NAV3: variants seen among roughly 807,000 people sequenced by gnomAD.
NAV3 encodes the protein neuron navigator 3.
In NAV3, 87 loss-of-function variants were observed where a neutral mutation model predicts 244.7. The observed-to-expected ratio is 0.36, with a 90% CI of 0.30 to 0.42. The LOEUF is 0.42. NAV3 is among the 20% of genes least tolerant of loss of function. The pLI is 1.00. For missense variants in NAV3, 2,663 were observed against 2,893.3 expected (o/e 0.92, Z 1.83); for synonymous variants, 1,126 against 1,042.2 (o/e 1.08, Z -1.55).
chr12:78,160,099 C>T (rs1957463339), intron 23 of NAV3, among the ~76,000 whole-genome samples: 1 of 151,948 alleles, frequency 6.6e-6, no homozygotes, highest in Non-Finnish European at 1.5e-5. Context: ...GAACTAGTTG[C>T]CATCTAGGGA....
intron 2 of NAV3, chr12:77,783,547 AT>A (rs1458120538): frequency 3.3e-5 from 5 of 152,310 alleles, no homozygotes; most frequent in African/African-American, 4.8e-5. Context: ...GGATTTGGCT[AT>A]GTAGAGAGTA....
At chr12:77,791,442 G>A (rs1482571824) in intron 2 of NAV3, among the ~76,000 whole-genome samples, 1 of 151,888 alleles carries the variant, frequency 6.6e-6, no homozygotes, top group Non-Finnish European at 1.5e-5. Context: ...GATAAAATAG[G>A]GCATTTTCCT....
intron 2 of NAV3, among the ~76,000 whole-genome samples, chr12:77,734,747 C>T (rs1032294729): frequency 2.0e-5 from 3 of 152,240 alleles, no homozygotes; most frequent in Non-Finnish European, 2.9e-5. Flanking sequence ...AACCCCAAGC[C>T]ATTGCTTCCA....
chr12:77,873,756 AT>A lies in NAV3; in HGVS notation c.243+42053del, dbSNP rs1565878780. Among the ~76,000 whole-genome samples the A allele has an allele frequency of 6.1e-5, 7 of 114,528 alleles. No individual in the cohort carries two copies. In the East Asian group the frequency reaches 7.9e-4, roughly 13 times the overall value. The allele number at this position is 114,528 out of a possible 152,430, so 75.1% of individuals were successfully genotyped here. On this transcript the variant is annotated intron_variant, in intron 1 of 39. Coordinates refer to ENST00000397909, the MANE Select transcript of NAV3 (RefSeq NM_001024383.2). Reference sequence around the variant, plus strand: ...CATATGTGTGTGTGTATATATATATATATATATATATGTATATAACAGCATA... The same window carrying A: ...CATATGTGTGTGTGTATATATATATAATATATATATGTATATAACAGCATA...
At chr12:77,743,802 A>G (rs1010895008) in intron 2 of NAV3, among the ~76,000 whole-genome samples, 3 of 151,810 alleles carry the variant, frequency 2.0e-5, no homozygotes, top group Non-Finnish European at 3.0e-5. Flanking sequence ...AAAAGTTAAA[A>G]TAATGACCAT....
chr12:77,617,606 C>T (rs1228074014), intron 2 of NAV3, among the ~76,000 whole-genome samples: 1 of 152,126 alleles, frequency 6.6e-6, no homozygotes, highest in Non-Finnish European at 1.5e-5. Flanking sequence ...TTCAGGGCGG[C>T]CAAGCAAGGA....
intron 1 of NAV3, among the ~76,000 whole-genome samples, chr12:77,898,449 T>A (rs1156523260): frequency 1.3e-5 from 2 of 152,050 alleles, no homozygotes; most frequent in African/African-American, 2.4e-5. Context: ...CAGAAAAAAA[T>A]AAACTTGATG....
chr12:78,099,939 A>G (rs1272936732), intron 12 of NAV3, among the ~76,000 whole-genome samples: 1 of 151,946 alleles, frequency 6.6e-6, no homozygotes, highest in Non-Finnish European at 1.5e-5. Flanking sequence ...ATAAAGAACA[A>G]GAGCTTTCCA....
intron 12 of NAV3, 112 bp downstream of exon 12, chr12:78,059,227 A>AT: frequency 1.1e-6 from 1 of 927,366 alleles, no homozygotes; most frequent in Non-Finnish European, 1.5e-6. Context: ...TTTTATTTTG[A>AT]TAAATAATTA....
chr12:78,106,418 A>C lies in NAV3; in HGVS notation c.2637-10354A>C, dbSNP rs968382028. Among the ~76,000 whole-genome samples the C allele has an allele frequency of 1.1e-4, 16 of 152,232 alleles. 2 individuals carry two copies. The highest frequency in any genetic ancestry group is 9.8e-4 in the Admixed American group (15 of 15,276). Reference sequence around the variant, plus strand: ...GACCATTGCTGAAATAAATGAAAGAAGACCAATATATGTGAAGAGATACTC... The same window carrying C: ...GACCATTGCTGAAATAAATGAAAGACGACCAATATATGTGAAGAGATACTC... On this transcript the variant is annotated intron_variant, in intron 12 of 39. Transcript: ENST00000397909.
intron 2 of NAV3, among the ~76,000 whole-genome samples, chr12:77,774,564 A>G (rs896474587): frequency 2.0e-5 from 3 of 152,150 alleles, no homozygotes; most frequent in African/African-American, 7.2e-5. Flanking sequence ...ATGATCTTAA[A>G]GGACTAGAGA....
chr12:77,864,180 T>TA (rs1879676193), intron 1 of NAV3, among the ~76,000 whole-genome samples: 1 of 151,826 alleles, frequency 6.6e-6, no homozygotes, highest in Non-Finnish European at 1.5e-5. Flanking sequence ...ACCCCTTATT[T>TA]ATATTTTCTT....
At chr12:77,870,844 T>C (rs1880842686) in intron 1 of NAV3, among the ~76,000 whole-genome samples, 4 of 152,230 alleles carry the variant, frequency 2.6e-5, no homozygotes. Flanking sequence ...GCAGTCATCA[T>C]CCACAACGTA....
chr12:77,757,390 C>G (rs1169165422), intron 2 of NAV3, among the ~76,000 whole-genome samples: 1 of 152,172 alleles, frequency 6.6e-6, no homozygotes, highest in Non-Finnish European at 1.5e-5. Flanking sequence ...ACCACACTAC[C>G]TTCATATTGC....
At chr12:78,008,442 C>G (rs139822864) in intron 8 of NAV3, among the ~76,000 whole-genome samples, 69 of 152,216 alleles carry the variant, frequency 4.5e-4, no homozygotes, top group African/African-American at 1.5e-3. Flanking sequence ...AGTTTATTCA[C>G]TGCTTGGTTG....
In NAV3 at chr12:78,006,878, C is replaced by T. The variant is rs2136575239; in HGVS notation, c.1340C>T (p.Ala447Val). 6.2e-7 allele frequency: 1 copy of T among 1,614,016 alleles called. No individual in the cohort carries two copies. Among genetic ancestry groups the T allele is most frequent in the East Asian group, 2.2e-5 (1 of 44,868 alleles). ...AGTCCCAAAGTGTCACCTAAGTTGG[C>T]CCCTCCAAAAGCTGGAAGCAAAAAT... The part of the protein sequence containing the change: ...NSSPKVSPKL[A>V]PPKAGSKNLS... The change falls in exon 8 of 40, where the codon GCC becomes GTC. Residue 447 changes from alanine to valine, a missense_variant. Ala to Val is a moderately conservative substitution (Grantham distance 64). This residue lies in a region of NAV3 where 1,521 missense variants were observed against 1,497.0 expected (regional missense o/e 1.02). Transcript: ENST00000397909.
rs371822288 is a variant in NAV3 at position 77,674,152 on chromosome 12, A to G, written c.72+101886A>G. 7.9e-5 allele frequency among the ~76,000 whole-genome samples: 12 copies of G among 152,250 alleles called. No individual in the cohort carries two copies. In the South Asian group the frequency reaches 2.1e-3, roughly 26 times the overall value. On this transcript the variant is annotated intron_variant, in intron 2 of 8. Coordinates refer to the NAV3 transcript ENST00000550042. ...TTTATAAATGTAAAAATAGCAAACC[A>G]TTTTATTAGGTTTTCTTCATACAAC...
At chr12:77,820,685 G>T (rs79766230) in intron 2 of NAV3, among the ~76,000 whole-genome samples, 1 of 151,940 alleles carries the variant, frequency 6.6e-6, no homozygotes, top group Non-Finnish European at 1.5e-5. Context: ...TGGGAAGATC[G>T]CACACTCTAC....
At chr12:77,910,660 C>T (rs893922536) in intron 1 of NAV3, among the ~76,000 whole-genome samples, 2 of 152,214 alleles carry the variant, frequency 1.3e-5, no homozygotes, top group Admixed American at 6.6e-5. Flanking sequence ...GCAGTTCCAG[C>T]AACTCACTCT....
Sources: allele counts gnomAD v4.1 joint callset (sites outside exome capture counted in the v4.1 genomes callset), GRCh38; gene constraint gnomAD v4.1.1; regional missense constraint gnomAD v4.1.1; transcripts MANE v1.5; gene names NCBI Gene and HGNC (gene_info 2026-07-23, HGNC 2026-07-21).